Variants in ITPKB observed in about 807,000 individuals in gnomAD.
ITPKB encodes inositol-trisphosphate 3-kinase B.
A neutral mutation model predicts 69.4 loss-of-function variants in ITPKB; 13 were observed. The observed-to-expected ratio is 0.19, with a 90% CI of 0.12 to 0.30. ITPKB has a LOEUF of 0.30. Ranked by LOEUF, ITPKB falls within the 10% of genes least tolerant of loss-of-function variation. The pLI, the probability that ITPKB is intolerant of heterozygous loss-of-function variation, is 1.00. For synonymous variants in ITPKB, 584 were observed against 513.7 expected (o/e 1.14, Z -1.85); for missense variants, 1,240 against 1,250.5 (o/e 0.99, Z 0.13).
In ITPKB at chr1:226,736,446, GGCTGCAGGTCCTCAA is replaced by G; in HGVS notation, c.998_1012del (p.Leu333_Gln337del). The stretch of plus-strand genomic sequence containing the variant: ...CTGCCTCTCCACCAGGGCCTCTGGG[GGCTGCAGGTCCTCAA>G]GCTCACGGGCTCTCCCAGACGGCTC... On this transcript the variant is annotated inframe_deletion, in exon 2 of 8. Coordinates refer to ENST00000429204, the MANE Select transcript of ITPKB (RefSeq NM_002221.4). 1 of 1,613,580 alleles carries G rather than the reference GGCTGCAGGTCCTCAA, an allele frequency of 6.2e-7. No homozygotes were observed.
intron 6 of ITPKB, 69 bp downstream of exon 6, chr1:226,639,488 C>T: frequency 3.7e-6 from 4 of 1,080,056 alleles, no homozygotes; most frequent in East Asian, 4.7e-5. Context: ...CCATGGGCAC[C>T]TCCAGAGTAG....
intron 2 of ITPKB, among the ~76,000 whole-genome samples, chr1:226,662,300 T>C (rs1433361796): frequency 6.6e-6 from 1 of 152,340 alleles, no homozygotes; most frequent in Non-Finnish European, 1.5e-5. Flanking sequence ...CGAAGTTTTC[T>C]GCAGAAAGTT....
At chr1:226,704,289 A>C (rs1039886368) in intron 2 of ITPKB, among the ~76,000 whole-genome samples, 2 of 152,222 alleles carry the variant, frequency 1.3e-5, no homozygotes, top group South Asian at 2.1e-4. Context: ...AACTCTCAAT[A>C]ATTAGATCTC....
intron 2 of ITPKB, among the ~76,000 whole-genome samples, chr1:226,652,175 A>T (rs1308738346): frequency 6.6e-6 from 1 of 152,218 alleles, no homozygotes; most frequent in East Asian, 1.9e-4. Context: ...GAAGGAGGGA[A>T]GGAGGGCTGC....
rs751467980 is a variant in ITPKB at position 226,736,610 on chromosome 1, C to T, written c.849G>A (p.Pro283=). 4 of 1,613,744 alleles carry T rather than the reference C, an allele frequency of 2.5e-6. No individual in the cohort carries two copies. Among genetic ancestry groups the T allele is most frequent in the Non-Finnish European group, 3.4e-6 (4 of 1,179,990 alleles). ...MEIDKRGSPT[P]GTRSCLAPSL... is the part of the protein sequence containing the mutation. Reference sequence around the variant, plus strand: ...AGGGAGCTAGGCAGCTCCGAGTTCCCGGGGTAGGAGAGCCCCTTTTGTCAA... The same window carrying T: ...AGGGAGCTAGGCAGCTCCGAGTTCCTGGGGTAGGAGAGCCCCTTTTGTCAA... The change falls in exon 2 of 8, where the codon CCG becomes CCA. Residue 283 remains proline, a synonymous_variant. Transcript: ENST00000429204.
intron 2 of ITPKB, 85 bp downstream of exon 2, chr1:226,735,442 A>ATCTCGGTGGTCGCCGTATC: frequency 7.3e-7 from 1 of 1,377,202 alleles, no homozygotes; most frequent in Non-Finnish European, 9.5e-7. Context: ...GACTGTGTAG[A>ATCTCGGTGGTCGCCGTATC]AAGTTAAGAA....
Position 226,736,008 on chromosome 1 carries a change from G to T in ITPKB, c.1451C>A (p.Ala484Asp). Residue 484 changes from alanine to aspartate, a missense_variant, in exon 2 of 8, where the codon GCT (alanine) becomes GAT (aspartate). Transcript: ENST00000429204. ...CTGAGGTTCTTTCAGATCTTTCGCA[G>T]CGTCCCAACAGGGCAAAGGCTCCAG... Reference protein sequence around the residue: ...RMLEPLPCWDAAKDLKEPQCP... With the variant: ...RMLEPLPCWDDAKDLKEPQCP... The T allele has an allele frequency of 6.2e-7, 1 of 1,613,876 alleles. No homozygotes were observed. The highest frequency in any genetic ancestry group is 8.5e-7 in the Non-Finnish European group (1 of 1,180,012).
intron 2 of ITPKB, among the ~76,000 whole-genome samples, chr1:226,698,737 G>A (rs1656560718): frequency 6.6e-6 from 1 of 152,212 alleles, no homozygotes; most frequent in South Asian, 2.1e-4. Flanking sequence ...CCTGCTCCAG[G>A]CCACTGGGCT....
chr1:226,657,220 A>C (rs896768098), intron 2 of ITPKB: 2 of 152,244 alleles, frequency 1.3e-5, no homozygotes, highest in Non-Finnish European at 2.9e-5. Context: ...CGTTGCAAAA[A>C]GAAGAATGAT....
chr1:226,701,610 A>G (rs1328817128), intron 2 of ITPKB, among the ~76,000 whole-genome samples: 1 of 147,570 alleles, frequency 6.8e-6, no homozygotes, highest in South Asian at 2.1e-4. Flanking sequence ...TCTCAAAAAA[A>G]AAAAAAAAAA....
At chr1:226,701,680 G>A (rs542524134) in intron 2 of ITPKB, among the ~76,000 whole-genome samples, 1 of 146,706 alleles carries the variant, frequency 6.8e-6, no homozygotes, top group Admixed American at 6.9e-5. Context: ...AAGCTCCACA[G>A]AGCCATGGAG....
At chr1:226,719,789 G>A (rs2102642652) in intron 2 of ITPKB, among the ~76,000 whole-genome samples, 1 of 152,278 alleles carries the variant, frequency 6.6e-6, no homozygotes, top group African/African-American at 2.4e-5. Flanking sequence ...CTCTCTCTGG[G>A]TGGCCTGAGG....
chr1:226,661,173 C>T (rs1028396360), intron 2 of ITPKB, among the ~76,000 whole-genome samples: 2 of 152,350 alleles, frequency 1.3e-5, no homozygotes, highest in East Asian at 1.9e-4. Flanking sequence ...GAACAGCTTC[C>T]TGGTCTGGGG....
chr1:226,729,885 A>G (rs1387546017), intron 2 of ITPKB, among the ~76,000 whole-genome samples: 1 of 152,136 alleles, frequency 6.6e-6, no homozygotes. Flanking sequence ...ATGAACCACC[A>G]CACCTGGCCT....
intron 2 of ITPKB, among the ~76,000 whole-genome samples, chr1:226,680,360 T>C (rs1656051119): frequency 6.6e-6 from 1 of 152,178 alleles, no homozygotes; most frequent in Non-Finnish European, 1.5e-5. Context: ...CCTAAGTCCC[T>C]TTTGGCAGAG....
chr1:226,671,022 C>G (rs1406574430), intron 2 of ITPKB, among the ~76,000 whole-genome samples: 1 of 152,216 alleles, frequency 6.6e-6, no homozygotes, highest in Non-Finnish European at 1.5e-5. Flanking sequence ...AGTGCTCCTT[C>G]CTATATTTGA....
Position 226,639,576 on chromosome 1 carries a change from T to G in ITPKB, c.2534A>C (p.Lys845Thr). 1 of 1,611,806 alleles carries G rather than the reference T, an allele frequency of 6.2e-7. No homozygotes were observed. The highest frequency in any genetic ancestry group is 1.1e-5 in the South Asian group (1 of 91,024). ...ACTCACCAGGATGTTATGGTTTCCTTTAGTGAACTCTCTGAAGGCCTCGGT... is the reference window on the plus strand; with the variant it reads ...ACTCACCAGGATGTTATGGTTTCCTGTAGTGAACTCTCTGAAGGCCTCGGT... Reference protein sequence around the residue: ...QVTEAFREFTKGNHNILIAYR... With the variant: ...QVTEAFREFTTGNHNILIAYR... Residue 845 changes from lysine (K) to threonine (T), a missense_variant, in exon 6 of 8, where the codon AAA becomes ACA. Lys to Thr is a moderately conservative substitution (Grantham distance 78). Around this residue, in one of 2 missense-constraint regions of ITPKB, gnomAD observed 248 missense variants for 396.7 expected, o/e 0.63. Transcript: ENST00000429204.
intron 2 of ITPKB, among the ~76,000 whole-genome samples, chr1:226,716,775 G>C (rs1227837404): frequency 6.6e-6 from 1 of 152,176 alleles, no homozygotes; most frequent in Non-Finnish European, 1.5e-5. Flanking sequence ...AATTCTAGTG[G>C]GCCACGGGGA....
In ITPKB at chr1:226,637,457, AG is replaced by A. The variant is rs1214923597; in HGVS notation, c.2625+221del. Among the ~76,000 whole-genome samples, 2 of 152,196 alleles carry A rather than the reference AG, an allele frequency of 1.3e-5. No homozygotes were observed. The highest frequency in any genetic ancestry group is 3.8e-4 in the East Asian group (2 of 5,198). ...GAGCTGGAAGGACAAGGGAGGAGAA[AG>A]GGGGCAATAGCCAGGGGTCTCAGGC... is the stretch of plus-strand genomic sequence containing the variant. On this transcript the variant is annotated intron_variant, in intron 7 of 7. Transcript: ENST00000429204. The surrounding 1 kb of genome is among the most constrained non-coding windows in gnomAD (Gnocchi z 4.3).
Sources: gnomAD v4.1 joint callset for allele counts (sites outside exome capture counted in the v4.1 genomes callset) on GRCh38, gnomAD v4.1.1 for gene constraint, gnomAD v4.1.1 regional missense constraint, Gnocchi (gnomAD v3.1) non-coding constraint, MANE v1.5 for transcripts, NCBI Gene and HGNC (gene_info 2026-07-23, HGNC 2026-07-21) for gene names.